The following QRICH1 variants were observed in gnomAD, a reference collection of about 807,000 sequenced individuals.
The protein encoded by QRICH1 is glutamine rich 1.
Under a neutral mutation model 87.1 loss-of-function variants are expected in QRICH1, and 16 were observed. The observed-to-expected ratio is 0.18, with a 90% confidence interval of 0.12 to 0.28. The LOEUF (loss-of-function observed/expected upper bound fraction) is 0.28. Among genes scored for constraint, QRICH1 ranks in the 10% least tolerant of loss-of-function variants. The probability of loss-of-function intolerance (pLI) is 1.00; values close to 1 mark genes in which losing one functional copy is unlikely to be tolerated. For synonymous variants in QRICH1, 367 were observed against 368.4 expected (o/e 1.00, Z 0.05); for missense variants, 647 against 951.7 (o/e 0.68, Z 4.21).
Position 49,057,477 on chromosome 3 carries a change from G to A in QRICH1, c.723C>T (p.Val241=), listed in dbSNP as rs773500151. The change falls in exon 3 of 10, where the codon GTC becomes GTT. Residue 241 remains valine, a synonymous_variant. Coordinates refer to ENST00000395443, the MANE Select transcript of QRICH1 (RefSeq NM_198880.3). The surrounding 1 kb of genome is among the most constrained non-coding windows in gnomAD (Gnocchi z 5.4). ...CTTTGCGCTTCTTCACTGGTTGGAG[G>A]ACACTGGCCGTGCCAACCCGCCGCT... ...EGERRVGTAS[V]LQPVKKRKVD... 1.2e-6 allele frequency: 2 copies of A among 1,611,578 alleles called. No homozygotes were observed. The highest frequency in any genetic ancestry group is 1.7e-6 in the Non-Finnish European group (2 of 1,178,814).
At chr3:49,054,475 A>T (rs1402566639) in intron 3 of QRICH1, among the ~76,000 whole-genome samples, 1 of 72,726 alleles carries the variant, frequency 1.4e-5, no homozygotes, top group Non-Finnish European at 2.9e-5. Context: ...CAACAACCCC[A>T]CCCCCACCCC....
At chr3:49,032,078 A>C in intron 9 of QRICH1, 105 bp downstream of exon 9, 1 of 942,990 alleles carries the variant, frequency 1.1e-6, no homozygotes, top group Non-Finnish European at 1.7e-6. Flanking sequence ...TTGGTTTGGG[A>C]CTAGAGAATG....
chr3:49,072,491 A>G (rs2041859584), intron 2 of QRICH1, among the ~76,000 whole-genome samples: 1 of 150,832 alleles, frequency 6.6e-6, no homozygotes, highest in Admixed American at 6.6e-5. Context: ...ATACCGCTGC[A>G]CTCCAACCTA....
chr3:49,047,588 AGTCTCCT>A (rs1280616068), intron 3 of QRICH1, among the ~76,000 whole-genome samples: 1 of 147,494 alleles, frequency 6.8e-6, no homozygotes, highest in Non-Finnish European at 1.5e-5. Flanking sequence ...GGTTCAAGTG[AGTCTCCT>A]GTCTCAGCCT....
intron 1 of QRICH1, among the ~76,000 whole-genome samples, chr3:49,080,165 G>C (rs1426260589): frequency 6.6e-6 from 1 of 152,038 alleles, no homozygotes; most frequent in Non-Finnish European, 1.5e-5. Flanking sequence ...CCATTAACAG[G>C]TCCTCTACCA....
chr3:49,049,120 T>C (rs1575338016), intron 3 of QRICH1, among the ~76,000 whole-genome samples: 1 of 151,862 alleles, frequency 6.6e-6, no homozygotes, highest in Non-Finnish European at 1.5e-5. Flanking sequence ...TGCTGGCTGG[T>C]ATCGAACTCC....
chr3:49,060,746 C>T (rs991399112), intron 2 of QRICH1, among the ~76,000 whole-genome samples: 7 of 152,170 alleles, frequency 4.6e-5, no homozygotes, highest in Non-Finnish European at 8.8e-5. Flanking sequence ...CACCTCCTGT[C>T]AGATCAATGG....
chr3:49,043,355 G>A (rs557680396), intron 6 of QRICH1, among the ~76,000 whole-genome samples: 4 of 151,450 alleles, frequency 2.6e-5, no homozygotes, highest in Non-Finnish European at 5.9e-5. Flanking sequence ...AATTAGCCAG[G>A]CGTGGTGGCA....
intron 6 of QRICH1, among the ~76,000 whole-genome samples, chr3:49,036,817 C>T (rs1415485728): frequency 1.3e-5 from 2 of 151,932 alleles, no homozygotes; most frequent in Non-Finnish European, 2.9e-5. Context: ...AATCCCAGTA[C>T]TTTGGGAGGC....
intron 2 of QRICH1, among the ~76,000 whole-genome samples, chr3:49,060,045 C>T (rs568862568): frequency 7.8e-4 from 117 of 150,938 alleles, no homozygotes; most frequent in Non-Finnish European, 1.3e-3. Context: ...CCACCACGCC[C>T]GGCTGATTTT....
intron 2 of QRICH1, among the ~76,000 whole-genome samples, chr3:49,070,281 G>A (rs1206482062): frequency 2.6e-5 from 4 of 151,636 alleles, no homozygotes; most frequent in Non-Finnish European, 5.9e-5. Context: ...CAGGTGATCC[G>A]CCTGCCTCAG....
intron 2 of QRICH1, among the ~76,000 whole-genome samples, chr3:49,063,467 A>G (rs1175722694): frequency 1.3e-5 from 2 of 152,218 alleles, no homozygotes; most frequent in Non-Finnish European, 2.9e-5. Flanking sequence ...TTACTGCAGA[A>G]CAGCAGTTTT....
intron 6 of QRICH1, among the ~76,000 whole-genome samples, chr3:49,043,857 T>C (rs892197487): frequency 1.3e-5 from 2 of 152,010 alleles, no homozygotes; most frequent in Non-Finnish European, 2.9e-5. Flanking sequence ...AAAACAAAAA[T>C]AGCTGAGCAC....
At chr3:49,088,698 T>A (rs1028055811) in intron 1 of QRICH1, among the ~76,000 whole-genome samples, 8 of 148,758 alleles carry the variant, frequency 5.4e-5, no homozygotes, top group Non-Finnish European at 8.9e-5. Context: ...CATTCATAGA[T>A]CCCTGCAGCC....
intron 2 of QRICH1, among the ~76,000 whole-genome samples, chr3:49,074,558 C>T (rs370359719): frequency 2.2e-4 from 33 of 151,566 alleles, no homozygotes; most frequent in African/African-American, 7.7e-4. Flanking sequence ...GGGGACAGAG[C>T]GAGACTCCAT....
chr3:49,045,773 G>A (rs2093335590), intron 5 of QRICH1, among the ~76,000 whole-genome samples: 1 of 151,486 alleles, frequency 6.6e-6, no homozygotes, highest in Non-Finnish European at 1.5e-5. Context: ...CTAATTTTTT[G>A]TAGAGATGGG....
chr3:49,067,299 G>A (rs930939004), intron 2 of QRICH1, among the ~76,000 whole-genome samples: 1 of 152,126 alleles, frequency 6.6e-6, no homozygotes, highest in East Asian at 1.9e-4. Flanking sequence ...TGGGTGCGGT[G>A]GCTCACGCCT....
At chr3:49,052,992 G>C (rs997788932) in intron 3 of QRICH1, among the ~76,000 whole-genome samples, 2 of 152,192 alleles carry the variant, frequency 1.3e-5, no homozygotes, top group African/African-American at 2.4e-5. Flanking sequence ...TTCAGCAGCA[G>C]CAAGAATCAT....
At chr3:49,090,036 C>T (rs537730250) in intron 1 of QRICH1, among the ~76,000 whole-genome samples, 1 of 152,284 alleles carries the variant, frequency 6.6e-6, no homozygotes, top group Admixed American at 6.5e-5. Context: ...AAAACATGGG[C>T]GGGCGCAGTG....
Sources: allele counts gnomAD v4.1 joint callset (sites outside exome capture counted in the v4.1 genomes callset), GRCh38; gene constraint gnomAD v4.1.1; non-coding constraint Gnocchi (gnomAD v3.1); transcripts MANE v1.5; gene names NCBI Gene and HGNC (gene_info 2026-07-23, HGNC 2026-07-21).